Variants in PRKAG2 observed in about 807,000 individuals in gnomAD.
PRKAG2 encodes the protein 5'-AMP-activated protein kinase subunit gamma-2.
A neutral mutation model predicts 69.6 loss-of-function variants in PRKAG2; 26 were observed. That is an observed-to-expected ratio of 0.37 (90% CI 0.27 to 0.52). The LOEUF is 0.52. Ranked by LOEUF, PRKAG2 falls within the 20% of genes least tolerant of loss-of-function variation. The probability of loss-of-function intolerance (pLI) is 0.90; values close to 1 mark genes in which losing one functional copy is unlikely to be tolerated. For synonymous variants in PRKAG2, 293 were observed against 285.0 expected (o/e 1.03, Z -0.28); for missense variants, 557 against 740.0 (o/e 0.75, Z 2.87).
In PRKAG2 at chr7:151,836,931, C is replaced by T. The variant is rs1333927104; in HGVS notation, c.114+39576G>A. Among the ~76,000 whole-genome samples the T allele has an allele frequency of 5.9e-5, 9 of 152,214 alleles. No individual in the cohort carries two copies. In the South Asian group the frequency reaches 1.2e-3, roughly 21 times the overall value. ...GAAAGGGCCCGGCCCAGCCAGCTTG[C>T]GGGGACCCCCGAGACGAGGTCCCTG... On this transcript the variant is annotated intron_variant, in intron 1 of 15. Transcript: ENST00000287878. The surrounding 1 kb of genome is among the most constrained non-coding windows in gnomAD (Gnocchi z 4.1).
chr7:151,708,026 A>C (rs1838917022), intron 3 of PRKAG2, among the ~76,000 whole-genome samples: 1 of 152,156 alleles, frequency 6.6e-6, no homozygotes, highest in East Asian at 1.9e-4. Context: ...GGACATGACC[A>C]CTGGGTGTGA....
At chr7:151,751,250 ACCATG>A (rs1481048395) in intron 3 of PRKAG2, among the ~76,000 whole-genome samples, 1 of 151,322 alleles carries the variant, frequency 6.6e-6, no homozygotes, top group Non-Finnish European at 1.5e-5. Context: ...GGTGCCCGCC[ACCATG>A]CCAGGCTAAT....
chr7:151,675,069 C>T (rs1181121520), intron 4 of PRKAG2: 11 of 357,522 alleles, frequency 3.1e-5, no homozygotes, highest in Non-Finnish European at 6.1e-5. Context: ...TACAGGTGCA[C>T]GCCACCACAC....
intron 6 of PRKAG2, among the ~76,000 whole-genome samples, chr7:151,594,667 C>T (rs549228579): frequency 2.1e-4 from 32 of 152,230 alleles, no homozygotes; most frequent in African/African-American, 7.2e-4. Context: ...ATATACTGAG[C>T]GAGGCCATAC....
intron 1 of PRKAG2, 37 bp downstream of exon 1, chr7:151,876,470 A>C: frequency 1.3e-6 from 2 of 1,565,470 alleles, no homozygotes; most frequent in Non-Finnish European, 1.7e-6. Context: ...GAGCGACAGG[A>C]GGGCTGGGGA....
chr7:151,618,555 G>A (rs1365328161), intron 5 of PRKAG2, among the ~76,000 whole-genome samples: 1 of 150,058 alleles, frequency 6.7e-6, no homozygotes, highest in East Asian at 2.0e-4. Context: ...ATTTGAGGTC[G>A]GGAGTTTGAA....
intron 3 of PRKAG2, among the ~76,000 whole-genome samples, chr7:151,745,656 A>C (rs1439447219): frequency 6.6e-6 from 1 of 152,238 alleles, no homozygotes; most frequent in Non-Finnish European, 1.5e-5. Context: ...GGCCACTGAG[A>C]ACTGGCAGAG....
intron 4 of PRKAG2, among the ~76,000 whole-genome samples, chr7:151,657,394 A>ATGT (rs948141879): frequency 3.3e-5 from 5 of 152,116 alleles, no homozygotes; most frequent in African/African-American, 1.2e-4. Flanking sequence ...CCTCGTGCCA[A>ATGT]TGTCCACTGT....
In PRKAG2 at chr7:151,632,636, G is replaced by A; in HGVS notation, c.685-498C>T. ...CGCAGGTGTGGGCTCCGCGGCGCGG[G>A]GAGGGGGAGAGGGGCTGGAGGCTGC... On this transcript the variant is annotated intron_variant, in intron 4 of 15. Coordinates refer to ENST00000287878, the MANE Select transcript of PRKAG2 (RefSeq NM_016203.4). This position sits in a 1 kb window ranked among gnomAD's most constrained non-coding sequence, Gnocchi z 4.2. 2.0e-6 allele frequency: 2 copies of A among 984,332 alleles called. No individual in the cohort carries two copies. Among genetic ancestry groups the A allele is most frequent in the Non-Finnish European group, 2.4e-6 (2 of 829,056 alleles). 61.0% of individuals were successfully genotyped at this position (984,332 alleles called of 1,614,324 possible). A position where few individuals can be genotyped will look rare whatever the true frequency, so the allele number is the denominator to read the frequency against.
chr7:151,863,146 G>A (rs2079978571), intron 1 of PRKAG2, among the ~76,000 whole-genome samples: 1 of 151,074 alleles, frequency 6.6e-6, no homozygotes, highest in Non-Finnish European at 1.5e-5. Context: ...GGCACTGGTA[G>A]ACCCCAGGGT....
At chr7:151,573,245 C>T (rs1444346152) in intron 8 of PRKAG2, among the ~76,000 whole-genome samples, 1 of 150,988 alleles carries the variant, frequency 6.6e-6, no homozygotes, top group Admixed American at 6.6e-5. Context: ...GCAGCCTCAA[C>T]CTCCCAGGCT....
chr7:151,748,072 C>A (rs763964603), intron 3 of PRKAG2, among the ~76,000 whole-genome samples: 1 of 152,010 alleles, frequency 6.6e-6, no homozygotes, highest in Non-Finnish European at 1.5e-5. Context: ...AGGCACGTGC[C>A]ACCACGCCTG....
At chr7:151,802,950 A>ACAT (rs143493008) in intron 1 of PRKAG2, among the ~76,000 whole-genome samples, 3 of 105,786 alleles carry the variant, frequency 2.8e-5, no homozygotes, top group Non-Finnish European at 6.3e-5. Context: ...AAGCAATATG[A>ACAT]TATATATATA....
intron 5 of PRKAG2, among the ~76,000 whole-genome samples, chr7:151,613,507 T>C (rs762364093): frequency 2.6e-5 from 4 of 152,170 alleles, no homozygotes; most frequent in Non-Finnish European, 4.4e-5. Context: ...TTTTATTTTA[T>C]ATATGTTTGA....
At chr7:151,709,889 T>C (rs898175307) in intron 3 of PRKAG2, among the ~76,000 whole-genome samples, 2 of 152,190 alleles carry the variant, frequency 1.3e-5, no homozygotes, top group African/African-American at 4.8e-5. Flanking sequence ...CATTGAGTGA[T>C]GTGACAGTGA....
chr7:151,789,060 T>A (rs2077150203), intron 1 of PRKAG2, among the ~76,000 whole-genome samples: 1 of 152,246 alleles, frequency 6.6e-6, no homozygotes, highest in Non-Finnish European at 1.5e-5. Flanking sequence ...GGCCTTATAG[T>A]AAGTTTAAAA....
chr7:151,608,769 T>C (rs1389608961), intron 5 of PRKAG2, among the ~76,000 whole-genome samples: 1 of 151,000 alleles, frequency 6.6e-6, no homozygotes, highest in Admixed American at 6.6e-5. Flanking sequence ...TATATACCTT[T>C]ATAAGATTAA....
intron 1 of PRKAG2, among the ~76,000 whole-genome samples, chr7:151,870,150 TAGATAGGCAGGC>T (rs1306690467): frequency 0.019 from 2,492 of 127,800 alleles, 26 homozygotes; most frequent in Middle Eastern, 0.028. Flanking sequence ...GATAGATAGA[TAGATAGGCAGGC>T]AGGCAGGCAG....
chr7:151,816,734 C>T (rs1441134642), intron 1 of PRKAG2, among the ~76,000 whole-genome samples: 4 of 152,212 alleles, frequency 2.6e-5, no homozygotes, highest in Admixed American at 6.5e-5. Flanking sequence ...ACCAGAGATC[C>T]GGCCAATCTC....
Sources: allele counts gnomAD v4.1 joint callset (sites outside exome capture counted in the v4.1 genomes callset), GRCh38; gene constraint gnomAD v4.1.1; non-coding constraint Gnocchi (gnomAD v3.1); transcripts MANE v1.5; gene names NCBI Gene and HGNC (gene_info 2026-07-23, HGNC 2026-07-21).